Variants in PDE7B observed in about 807,000 individuals in gnomAD.
PDE7B encodes 3',5'-cyclic-AMP phosphodiesterase 7B.
Under a neutral mutation model 56.2 loss-of-function variants are expected in PDE7B, and 29 were observed. That is an observed-to-expected ratio of 0.52 (90% confidence interval 0.38 to 0.70). The LOEUF is 0.70. PDE7B is among the 30% of genes least tolerant of loss of function. The pLI, the probability that PDE7B is intolerant of heterozygous loss-of-function variation, is 0.00. For missense variants in PDE7B, 490 were observed against 565.0 expected, an observed-to-expected ratio of 0.87 and a Z score of 1.35; for synonymous variants, 197 against 196.9, an observed-to-expected ratio of 1.00 and a Z score of 0.00.
At chr6:136,009,877 A>G (rs1243256598) in intron 2 of PDE7B, among the ~76,000 whole-genome samples, 2 of 152,082 alleles carry the variant, frequency 1.3e-5, no homozygotes, top group East Asian at 3.9e-4. Context: ...GCGGCCTATC[A>G]TTAATATTTT....
At chr6:136,023,806 A>G (rs1439027231) in intron 2 of PDE7B, among the ~76,000 whole-genome samples, 2 of 152,176 alleles carry the variant, frequency 1.3e-5, no homozygotes, top group East Asian at 3.8e-4. Flanking sequence ...ATATATCTAT[A>G]TATGTAAGAC....
intron 1 of PDE7B, among the ~76,000 whole-genome samples, chr6:135,923,717 T>C (rs1423720113): frequency 1.3e-5 from 2 of 152,122 alleles, no homozygotes; most frequent in Non-Finnish European, 2.9e-5. Flanking sequence ...AATGTCAAAC[T>C]TGACAACATA....
intron 10 of PDE7B, among the ~76,000 whole-genome samples, chr6:136,180,111 T>C (rs906661676): frequency 6.6e-6 from 1 of 152,226 alleles, no homozygotes; most frequent in African/African-American, 2.4e-5. Flanking sequence ...GGAGATTGAA[T>C]GGTGCAGTCT....
At chr6:136,041,122 C>T (rs887973092) in intron 2 of PDE7B, among the ~76,000 whole-genome samples, 2 of 152,128 alleles carry the variant, frequency 1.3e-5, no homozygotes, top group South Asian at 2.1e-4. Flanking sequence ...AATTCTGAAT[C>T]GAACCAACAG....
At chr6:135,876,782 C>T (rs1775501764) in intron 1 of PDE7B, among the ~76,000 whole-genome samples, 1 of 152,088 alleles carries the variant, frequency 6.6e-6, no homozygotes. Flanking sequence ...TTGCTTGAAC[C>T]TGGGAGGCGG....
At chr6:135,971,466 G>A (rs564985295) in intron 2 of PDE7B, among the ~76,000 whole-genome samples, 3 of 152,192 alleles carry the variant, frequency 2.0e-5, no homozygotes, top group South Asian at 4.1e-4. Context: ...GGCAGACCCC[G>A]TCAGAGAAGG....
intron 1 of PDE7B, among the ~76,000 whole-genome samples, chr6:135,866,088 T>A (rs949857825): frequency 6.6e-6 from 1 of 152,160 alleles, no homozygotes; most frequent in Non-Finnish European, 1.5e-5. Flanking sequence ...TCATTAACTT[T>A]AAAAAACAAA....
intron 3 of PDE7B, among the ~76,000 whole-genome samples, chr6:136,138,783 A>G (rs1406335947): frequency 6.6e-6 from 1 of 152,118 alleles, no homozygotes; most frequent in African/African-American, 2.4e-5. Flanking sequence ...CTACTTGCCC[A>G]TCTGAGAGGG....
In PDE7B at chr6:136,155,649, T is replaced by C; in HGVS notation, c.602T>C (p.Leu201Pro). The change falls in exon 8 of 13, where the codon CTG (leucine) becomes CCG (proline). Residue 201 changes from leucine to proline, a missense_variant. Transcript: ENST00000308191. ...EPKLASFLTP[L>P]DIMLGLLAAA... Reference sequence around the variant, plus strand: ...CAGCTTGCCAGCTTCCTCACGCCTCTGGACATCATGCTTGGACTGCTGGCT... The same window carrying C: ...CAGCTTGCCAGCTTCCTCACGCCTCCGGACATCATGCTTGGACTGCTGGCT... 6.2e-7 allele frequency: 1 copy of C among 1,613,564 alleles called. No homozygotes were observed. Among genetic ancestry groups the C allele is most frequent in the Non-Finnish European group, 8.5e-7 (1 of 1,179,656 alleles).
At chr6:136,065,005 G>A (rs1776910013) in intron 2 of PDE7B, among the ~76,000 whole-genome samples, 1 of 152,166 alleles carries the variant, frequency 6.6e-6, no homozygotes, top group Non-Finnish European at 1.5e-5. Flanking sequence ...TACGAGGGTG[G>A]CATTTGTCTA....
intron 1 of PDE7B, among the ~76,000 whole-genome samples, chr6:135,895,882 C>G (rs1775893105): frequency 6.6e-6 from 1 of 152,132 alleles, no homozygotes; most frequent in Non-Finnish European, 1.5e-5. Context: ...CCTCCTCCAC[C>G]ACCACTGATT....
intron 2 of PDE7B, among the ~76,000 whole-genome samples, chr6:136,000,065 C>T (rs1443534654): frequency 6.6e-6 from 1 of 152,046 alleles, no homozygotes; most frequent in Admixed American, 6.5e-5. Flanking sequence ...GTGTTCATGT[C>T]CTTTGCCTAC....
intron 2 of PDE7B, among the ~76,000 whole-genome samples, chr6:135,957,794 A>AT (rs1774824602): frequency 6.6e-6 from 1 of 152,082 alleles, no homozygotes; most frequent in Non-Finnish European, 1.5e-5. Context: ...CTAGAAGGTT[A>AT]TTTTTTGACC....
At chr6:135,925,592 C>A (rs1335704910) in intron 1 of PDE7B, among the ~76,000 whole-genome samples, 2 of 151,876 alleles carry the variant, frequency 1.3e-5, no homozygotes, top group Non-Finnish European at 2.9e-5. Flanking sequence ...CACAAAACAC[C>A]CAAGGGACTT....
At chr6:135,928,469 T>TTATATATATTTA (rs1774232834) in intron 1 of PDE7B, among the ~76,000 whole-genome samples, 2 of 81,736 alleles carry the variant, frequency 2.4e-5, no homozygotes, top group African/African-American at 8.0e-5. Flanking sequence ...ATATATTTAT[T>TTATATATATTTA]TATATATATA....
intron 2 of PDE7B, among the ~76,000 whole-genome samples, chr6:135,966,231 C>T (rs954887695): frequency 6.6e-6 from 1 of 152,104 alleles, no homozygotes; most frequent in African/African-American, 2.4e-5. Context: ...GGAATTCTTG[C>T]CGTACTTGAT....
At chr6:136,067,480 T>G (rs1304543021) in intron 2 of PDE7B, among the ~76,000 whole-genome samples, 1 of 152,182 alleles carries the variant, frequency 6.6e-6, no homozygotes, top group African/African-American at 2.4e-5. Context: ...AATGAAGGCA[T>G]GAAATGTGTT....
intron 1 of PDE7B, among the ~76,000 whole-genome samples, chr6:135,891,919 C>T (rs1775816183): frequency 6.6e-6 from 1 of 152,050 alleles, no homozygotes; most frequent in South Asian, 2.1e-4. Context: ...ATAATTACTC[C>T]TGCCCACCCC....
At chr6:136,141,622 T>A (rs1174252095) in intron 3 of PDE7B, among the ~76,000 whole-genome samples, 1 of 152,226 alleles carries the variant, frequency 6.6e-6, no homozygotes, top group African/African-American at 2.4e-5. Context: ...TGTAAGCTAT[T>A]AATTATTGCC....
Sources: allele counts gnomAD v4.1 joint callset (sites outside exome capture counted in the v4.1 genomes callset), GRCh38; gene constraint gnomAD v4.1.1; transcripts MANE v1.5; gene names NCBI Gene and HGNC (gene_info 2026-07-23, HGNC 2026-07-21).